The following C6 variants were observed in gnomAD, a reference collection of about 807,000 sequenced individuals.
The protein encoded by C6 is complement C6, also known as complement component C6.
A neutral mutation model predicts 112.9 loss-of-function variants in C6; 101 were observed. That is an observed-to-expected ratio of 0.89 (90% confidence interval 0.76 to 1.06). The LOEUF is 1.06. Ranked by LOEUF, C6 falls within the 50% of genes least tolerant of loss-of-function variation. The pLI is 0.00. For synonymous variants in C6, 431 were observed against 384.1 expected (o/e 1.12, Z -1.43); for missense variants, 1,202 against 1,104.6 (o/e 1.09, Z -1.25).
At chr5:41,199,020 G>C (rs189706228) in intron 4 of C6, among the ~76,000 whole-genome samples, 1 of 152,244 alleles carries the variant, frequency 6.6e-6, no homozygotes, top group East Asian at 1.9e-4. Context: ...GGTGGAGGTG[G>C]ATAGGGGAAA....
chr5:41,216,347 A>G (rs565540096), upstream of C6, among the ~76,000 whole-genome samples: 1 of 152,082 alleles, frequency 6.6e-6, no homozygotes, highest in African/African-American at 2.4e-5. Context: ...GACAAAATAT[A>G]ATACATGTGT....
chr5:41,201,752 A>T (rs753596518), intron 2 of C6, 38 bp from the exon 3 acceptor site: 61 of 1,517,550 alleles, frequency 4.0e-5, no homozygotes, highest in Non-Finnish European at 5.2e-5. Context: ...GAATGAGTGT[A>T]TTCACCATAT....
chr5:41,260,743 C>G lies in C6; in HGVS notation c.-21+451G>C, dbSNP rs536363498. Among the ~76,000 whole-genome samples, 21 of 151,628 alleles carry G rather than the reference C, an allele frequency of 1.4e-4. No individual in the cohort carries two copies. The East Asian group carries it at 3.9e-3, about 28-fold the overall frequency. On this transcript the variant is annotated intron_variant, in intron 1 of 17. Transcript: ENST00000263413. ...TAAGCCAAGATGGCGCCATTGCACT[C>G]CAGCCTGGGCAACAAGAGTGAAACT...
At chr5:41,202,760 A>C (rs567150673) in intron 2 of C6, among the ~76,000 whole-genome samples, 1 of 152,214 alleles carries the variant, frequency 6.6e-6, no homozygotes, top group African/African-American at 2.4e-5. Flanking sequence ...AAAATTCTCT[A>C]TAATTAACTC....
chr5:41,155,586 G>T (rs528406191), intron 13 of C6, among the ~76,000 whole-genome samples: 39 of 152,030 alleles, frequency 2.6e-4, no homozygotes, highest in African/African-American at 9.2e-4. Flanking sequence ...GAAAAGTAGC[G>T]AGAAGTGGTG....
intron 15 of C6, among the ~76,000 whole-genome samples, 191 bp from the exon 16 acceptor site, chr5:41,150,216 G>A (rs1489951830): frequency 1.3e-5 from 2 of 152,110 alleles, no homozygotes; most frequent in Non-Finnish European, 2.9e-5. Flanking sequence ...TGCACATGAG[G>A]TGTCATTTTC....
chr5:41,222,806 T>C (rs1328752552), intron 1 of C6, among the ~76,000 whole-genome samples: 1 of 152,202 alleles, frequency 6.6e-6, no homozygotes, highest in Non-Finnish European at 1.5e-5. Flanking sequence ...TTCGGGTTTA[T>C]AGCATTTTAT....
chr5:41,231,261 G>T (rs1580232222), intron 1 of C6, among the ~76,000 whole-genome samples: 1 of 151,720 alleles, frequency 6.6e-6, no homozygotes, highest in East Asian at 1.9e-4. Context: ...TATTTTGTAG[G>T]GTTTTTTGTT....
intron 5 of C6, among the ~76,000 whole-genome samples, chr5:41,194,995 T>C (rs1255015776): frequency 6.6e-6 from 1 of 152,202 alleles, no homozygotes; most frequent in Non-Finnish European, 1.5e-5. Flanking sequence ...GGTTTTGAAG[T>C]CTGGATTTGA....
At chr5:41,204,670 C>CTTTTTT (rs1196116815) in intron 1 of C6, among the ~76,000 whole-genome samples, 5 of 98,574 alleles carry the variant, frequency 5.1e-5, no homozygotes, top group African/African-American at 1.5e-4. Context: ...TTTTTTTTTT[C>CTTTTTT]TTTTTTTTTT....
chr5:41,199,316 G>A (rs1405912321), intron 4 of C6, among the ~76,000 whole-genome samples: 1 of 152,090 alleles, frequency 6.6e-6, no homozygotes, highest in African/African-American at 2.4e-5. Context: ...AAACTGACCT[G>A]AACTATGGCC....
At chr5:41,213,538 C>T (rs2150397056), upstream of C6, 1 of 985,336 alleles carries the variant, frequency 1.0e-6, no homozygotes. Context: ...AGCCTAGCAA[C>T]ACCTAGAGGG....
chr5:41,158,792 G>A lies in C6; in HGVS notation c.1857-7C>T, dbSNP rs1747177258. ...ATTGATACATGGTTGTCCACTAAAA[G>A]GGAAACATAAATATGTGTGTATATG... On this transcript the variant is annotated splice_polypyrimidine_tract_variant and splice_region_variant and intron_variant, in intron 12 of 17. Transcript: ENST00000337836. 1 of 1,470,870 alleles carries A rather than the reference G, an allele frequency of 6.8e-7. No homozygotes were observed. The highest frequency in any genetic ancestry group is 9.5e-7 in the Non-Finnish European group (1 of 1,049,660). 91.1% of individuals were successfully genotyped at this position (1,470,870 alleles called of 1,614,324 possible).
rs143594362 is a variant in C6 at position 41,233,801 on chromosome 5, T to C, written c.-21+27393A>G. Among the ~76,000 whole-genome samples, 185 of 152,232 alleles carry C rather than the reference T, an allele frequency of 1.2e-3. 1 individual carries two copies. The highest frequency in any genetic ancestry group is 4.3e-3 in the African/African-American group (180 of 41,582). ...ATCCAAATGAGACCTGATCATTTGC[T>C]CTAGCCACGTTAAGTTATTGGCAGG... On this transcript the variant is annotated intron_variant, in intron 1 of 17. Transcript: ENST00000263413.
chr5:41,186,178 T>C lies in C6; in HGVS notation c.618A>G (p.Gly206=). 1 of 1,613,912 alleles carries C rather than the reference T, an allele frequency of 6.2e-7. No individual in the cohort carries two copies. Among genetic ancestry groups the C allele is most frequent in the Non-Finnish European group, 8.5e-7 (1 of 1,179,872 alleles). ...GFHFLAGEPR[G]EVLDNSFTGG... is the part of the protein sequence containing the mutation. ...CAGTGAAAGAGTTATCAAGGACTTC[T>C]CCTCTGGGCTCTCCTGCCAGAAAAT... Residue 206 remains glycine (G), a synonymous_variant, in exon 6 of 18, where the codon GGA becomes GGG. Coordinates refer to ENST00000337836, the MANE Select transcript of C6 (RefSeq NM_000065.5).
At chr5:41,210,262 C>T (rs1319175580) in intron 1 of C6, among the ~76,000 whole-genome samples, 1 of 152,144 alleles carries the variant, frequency 6.6e-6, no homozygotes, top group African/African-American at 2.4e-5. Context: ...ACCATAAAAA[C>T]CCTAGAAGAA....
intron 11 of C6, 96 bp downstream of exon 11, chr5:41,160,046 T>G: frequency 1.1e-6 from 1 of 947,552 alleles, no homozygotes; most frequent in South Asian, 1.3e-5. Flanking sequence ...AGGTGGAGGT[T>G]GCTAATAGAA....
intron 4 of C6, among the ~76,000 whole-genome samples, chr5:41,196,349 A>G (rs552809269): frequency 6.6e-6 from 1 of 152,082 alleles, no homozygotes; most frequent in East Asian, 1.9e-4. Flanking sequence ...AGTCACACAC[A>G]ATAACATGGT....
intron 7 of C6, among the ~76,000 whole-genome samples, chr5:41,181,142 C>A (rs1749307597): frequency 6.6e-6 from 1 of 151,698 alleles, no homozygotes; most frequent in African/African-American, 2.4e-5. Flanking sequence ...AAAAACATAA[C>A]AATAACAGTC....
Sources: allele counts gnomAD v4.1 joint callset (sites outside exome capture counted in the v4.1 genomes callset), GRCh38; gene constraint gnomAD v4.1.1; transcripts MANE v1.5; gene names NCBI Gene and HGNC (gene_info 2026-07-23, HGNC 2026-07-21).